The following ITGB2 variants were observed in gnomAD, a reference collection of about 807,000 sequenced individuals.
ITGB2 encodes integrin subunit beta 2.
ITGB2 carries 56 observed loss-of-function variants against 86.8 expected under a neutral mutation model. The observed-to-expected ratio is 0.65, with a 90% CI of 0.52 to 0.81. ITGB2 has a LOEUF of 0.81. Ranked by LOEUF, ITGB2 falls within the 30% of genes least tolerant of loss-of-function variation. The probability of loss-of-function intolerance (pLI) is 0.00; values close to 1 mark genes in which losing one functional copy is unlikely to be tolerated. For synonymous variants in ITGB2, 457 were observed against 450.4 expected (o/e 1.01, Z -0.19); for missense variants, 948 against 1,061.2 (o/e 0.89, Z 1.48).
In ITGB2 at chr21:44,890,238, G is replaced by T; in HGVS notation, c.1413-16C>A. 3.1e-6 allele frequency: 5 copies of T among 1,612,628 alleles called. No individual in the cohort carries two copies. Among genetic ancestry groups the T allele is most frequent in the East Asian group, 2.2e-5 (1 of 44,866 alleles). On this transcript the variant is annotated splice_polypyrimidine_tract_variant and intron_variant, in intron 11 of 15. Transcript: ENST00000652462. The stretch of plus-strand genomic sequence containing the variant: ...AGTGTCACACCTGGGGACAGGAGGG[G>T]CCCCAAGGTCAGGCTCCCCCCAGTG...
rs146557638 is a variant in ITGB2 at position 44,901,501 on chromosome 21, G to A, written c.732C>T (p.Ala244=). ...EGGLDAMMQV[A]ACPEEIGWRN... ...GGGGCAGCGGCCTCACCGGGCAGGC[G>A]GCGACCTGCATCATGGCGTCCAGCC... The change falls in exon 6 of 16, where the codon GCC becomes GCT. Residue 244 remains alanine (A), a synonymous_variant. Transcript: ENST00000652462. 324 of 1,614,078 alleles carry A rather than the reference G, an allele frequency of 2.0e-4. 1 individual carries two copies. The African/African-American group carries it at 2.5e-3, about 13-fold the overall frequency.
intron 1 of ITGB2, among the ~76,000 whole-genome samples, chr21:44,927,385 G>T (rs1430499992): frequency 1.3e-5 from 2 of 152,024 alleles, no homozygotes; most frequent in African/African-American, 4.8e-5. Flanking sequence ...GAGACCCCTG[G>T]GGTCTGGCCC....
chr21:44,910,030 C>A (rs1444298096), intron 3 of ITGB2, among the ~76,000 whole-genome samples: 2 of 152,214 alleles, frequency 1.3e-5, no homozygotes, highest in Non-Finnish European at 2.9e-5. Context: ...TACTAAGAGA[C>A]AAAGGGCTCC....
chr21:44,886,294 T>A lies in ITGB2; in HGVS notation c.*74A>T. ...TAATTGGTGACATCCTCAAGAGCTG[T>A]GGCAAGCCATGTCTCGGCCGCGTGA... On this transcript the variant is annotated 3_prime_UTR_variant, in exon 16 of 16. Coordinates refer to ENST00000652462, the MANE Select transcript of ITGB2 (RefSeq NM_000211.5). 1 of 1,299,044 alleles carries A rather than the reference T, an allele frequency of 7.7e-7. No individual in the cohort carries two copies. Among genetic ancestry groups the A allele is most frequent in the Non-Finnish European group, 1.1e-6 (1 of 892,824 alleles). The allele number at this position is 1,299,044 out of a possible 1,614,324, so 80.5% of individuals were successfully genotyped here.
intron 1 of ITGB2, among the ~76,000 whole-genome samples, chr21:44,912,437 A>G (rs570171425): frequency 6.6e-6 from 1 of 152,354 alleles, no homozygotes; most frequent in East Asian, 1.9e-4. Context: ...ACAAGCCCCA[A>G]GGTCCTGTTG....
intron 9 of ITGB2, chr21:44,894,461 G>C (rs2083834489): frequency 4.8e-6 from 1 of 207,320 alleles, no homozygotes; most frequent in Admixed American, 5.2e-5. Flanking sequence ...AGGGCCATGG[G>C]CTCCCCAGGG....
At chr21:44,889,839 G>A (rs980003925) in intron 12 of ITGB2, 139 bp downstream of exon 12, 11 of 1,293,766 alleles carry the variant, frequency 8.5e-6, no homozygotes, top group Non-Finnish European at 1.1e-5. Context: ...CTGACGCCCG[G>A]TGGCTGGGCG....
intron 9 of ITGB2, chr21:44,893,748 C>T (rs2083824291): frequency 1.6e-6 from 1 of 634,312 alleles, no homozygotes; most frequent in East Asian, 3.2e-5. Context: ...ACAGCCTGAC[C>T]ACAGGGACTA....
Position 44,890,018 on chromosome 21 carries a change from G to A in ITGB2, c.1617C>T (p.Ile539=), listed in dbSNP as rs148306562. The change falls in exon 12 of 16, where the codon ATC becomes ATT. Residue 539 remains isoleucine, a synonymous_variant. Transcript: ENST00000652462. ...CCTGGCCGTTGTAGCGCTCACAGTT[G>A]ATGGTGTCACACTCGCAGTACTGCC... The part of the protein sequence containing the change: ...IYGQYCECDT[I]NCERYNGQVC... 115 of 1,613,458 alleles carry A rather than the reference G, an allele frequency of 7.1e-5. No individual in the cohort carries two copies. In the African/African-American group the frequency reaches 1.5e-3, roughly 21 times the overall value.
At chr21:44,921,965 C>T (rs1043966793), upstream of ITGB2, among the ~76,000 whole-genome samples, 2 of 152,228 alleles carry the variant, frequency 1.3e-5, no homozygotes, top group African/African-American at 4.8e-5. Context: ...TTCAAGTGAT[C>T]CATCCACCTC....
chr21:44,910,533 C>T, intron 2 of ITGB2, 161 bp from the exon 3 acceptor site: 1 of 1,472,216 alleles, frequency 6.8e-7, no homozygotes, highest in Non-Finnish European at 9.3e-7. Flanking sequence ...AAAGAGGGGC[C>T]CTCGGGAAAC....
chr21:44,908,740 GC>G (rs2084083443), intron 3 of ITGB2, among the ~76,000 whole-genome samples: 2 of 152,334 alleles, frequency 1.3e-5, no homozygotes, highest in African/African-American at 4.8e-5. Context: ...CGGTGCTGGA[GC>G]CCAGACTCTC....
At chr21:44,913,598 C>A (rs973476591) in intron 1 of ITGB2, among the ~76,000 whole-genome samples, 1 of 152,146 alleles carries the variant, frequency 6.6e-6, no homozygotes, top group Non-Finnish European at 1.5e-5. Context: ...GCCCCACCCC[C>A]CAATGCCAGT....
intron 13 of ITGB2, 181 bp from the exon 14 acceptor site, chr21:44,889,076 G>C (rs2083743941): frequency 1.4e-6 from 1 of 702,948 alleles, no homozygotes; most frequent in Admixed American, 2.3e-5. Context: ...CCTGATCCCA[G>C]GGCCCGCGGC....
chr21:44,908,952 C>A (rs1309403679), intron 3 of ITGB2, among the ~76,000 whole-genome samples: 2 of 152,242 alleles, frequency 1.3e-5, no homozygotes, highest in African/African-American at 2.4e-5. Context: ...ACAGATCATG[C>A]ACTACTGAAC....
intron 1 of ITGB2, among the ~76,000 whole-genome samples, chr21:44,920,562 C>T (rs1250578640): frequency 1.3e-5 from 2 of 152,186 alleles, no homozygotes; most frequent in Non-Finnish European, 2.9e-5. Flanking sequence ...GGCCTCACAG[C>T]CCCTTGTCCT....
intron 9 of ITGB2, 160 bp from the exon 10 acceptor site, chr21:44,893,704 G>A (rs1601291086): frequency 2.1e-6 from 2 of 973,392 alleles, no homozygotes; most frequent in East Asian, 2.7e-5. Flanking sequence ...GCTGAGGATG[G>A]CAGGGCTGCC....
At chr21:44,903,823 C>T (rs938748388) in intron 4 of ITGB2, among the ~76,000 whole-genome samples, 35 of 152,122 alleles carry the variant, frequency 2.3e-4, no homozygotes, top group Admixed American at 1.9e-3. Context: ...ACATTGGGGA[C>T]GCCTTTCATT....
At chr21:44,919,002 C>G (rs955487164) in intron 1 of ITGB2, among the ~76,000 whole-genome samples, 2 of 152,260 alleles carry the variant, frequency 1.3e-5, no homozygotes, top group African/African-American at 4.8e-5. Flanking sequence ...TGAGCATTCC[C>G]CTCTCCCAGC....
Sources: gnomAD v4.1 joint callset for allele counts (sites outside exome capture counted in the v4.1 genomes callset) on GRCh38, gnomAD v4.1.1 for gene constraint, MANE v1.5 for transcripts, NCBI Gene and HGNC (gene_info 2026-07-23, HGNC 2026-07-21) for gene names.